Variants in CHFR observed in about 807,000 individuals in gnomAD.
The protein encoded by CHFR is E3 ubiquitin-protein ligase CHFR.
A neutral mutation model predicts 87.6 loss-of-function variants in CHFR; 57 were observed. The ratio of observed to expected loss-of-function variants is 0.65; its 90% CI spans 0.53 to 0.81. The LOEUF (loss-of-function observed/expected upper bound fraction) is 0.81. CHFR is among the 30% of genes least tolerant of loss of function. CHFR has a pLI of 0.00. For missense variants in CHFR, 797 were observed against 865.8 expected (o/e 0.92, Z 1.00); for synonymous variants, 381 against 359.2 (o/e 1.06, Z -0.69).
chr12:132,859,030 T>G (rs919122329), intron 8 of CHFR, 38 bp downstream of exon 8: 1 of 1,589,022 alleles, frequency 6.3e-7, no homozygotes, highest in Non-Finnish European at 8.6e-7. Flanking sequence ...GAACCTGCAG[T>G]GCCATGTTCC....
chr12:132,845,703 C>T (rs1478677872), intron 15 of CHFR, among the ~76,000 whole-genome samples: 1 of 152,084 alleles, frequency 6.6e-6, no homozygotes, highest in Non-Finnish European at 1.5e-5. Context: ...CTCCACAAAG[C>T]ATCGTGTGCC....
Position 132,838,454 on chromosome 12 carries a change from G to A in CHFR, c.*3100C>T, listed in dbSNP as rs1178042354. 1 of 152,408 alleles carries A rather than the reference G, an allele frequency of 6.6e-6. No homozygotes were observed. The highest frequency in any genetic ancestry group is 1.5e-5 in the Non-Finnish European group (1 of 68,202). 9.4% of individuals were successfully genotyped at this position (152,408 alleles called of 1,614,324 possible). Reference sequence around the variant, plus strand: ...ACCTGAGGCCCCCTTCCCTGGCTTGGAGCCTGGGCAGCACACGGAGGGGTG... The same window carrying A: ...ACCTGAGGCCCCCTTCCCTGGCTTGAAGCCTGGGCAGCACACGGAGGGGTG... On this transcript the variant is annotated 3_prime_UTR_variant, in exon 18 of 18. Coordinates refer to ENST00000450056, the MANE Select transcript of CHFR (RefSeq NM_001161346.2).
In CHFR at chr12:132,872,696, C is replaced by T. The variant is rs571847789; in HGVS notation, c.234-302G>A. Among the ~76,000 whole-genome samples, 5 of 152,272 alleles carry T rather than the reference C, an allele frequency of 3.3e-5. No homozygotes were observed. The South Asian group carries it at 1.0e-3, about 32-fold the overall frequency. On this transcript the variant is annotated intron_variant, in intron 3 of 17. Coordinates refer to ENST00000450056, the MANE Select transcript of CHFR (RefSeq NM_001161346.2). ...TGCCTCCTAGTGGACCCGGAGGCCT[C>T]GTCTACAGTGTGGTGCTTCCACCTC...
chr12:132,850,758 C>G (rs1208347066), intron 12 of CHFR, among the ~76,000 whole-genome samples: 1 of 152,098 alleles, frequency 6.6e-6, no homozygotes, highest in African/African-American at 2.4e-5. Flanking sequence ...CAGAGCAACA[C>G]CGGTGTGTGC....
intron 3 of CHFR, among the ~76,000 whole-genome samples, chr12:132,876,611 T>C (rs1198398143): frequency 6.6e-6 from 1 of 152,190 alleles, no homozygotes; most frequent in Admixed American, 6.5e-5. Flanking sequence ...TGAATAGGCT[T>C]GCAAGAACCA....
In CHFR at chr12:132,841,379, G is replaced by C; in HGVS notation, c.*175C>G. ...GCTGCGGCCCCCGGGGCTCTGGGGA[G>C]GGTCTCACTCAGAGGGTAAAGCTCC... On this transcript the variant is annotated 3_prime_UTR_variant, in exon 18 of 18. Transcript: ENST00000450056. 1.7e-6 allele frequency: 1 copy of C among 595,916 alleles called. No homozygotes were observed. The highest frequency in any genetic ancestry group is 3.0e-6 in the Non-Finnish European group (1 of 337,006). 36.9% of individuals were successfully genotyped at this position (595,916 alleles called of 1,614,324 possible).
chr12:132,877,690 T>C (rs1259883403), intron 2 of CHFR, 36 bp from the exon 3 acceptor site: 2 of 1,419,078 alleles, frequency 1.4e-6, no homozygotes, highest in Non-Finnish European at 9.9e-7. Context: ...CGGGATATGA[T>C]CGTGGTAACT....
intron 12 of CHFR, 26 bp from the exon 13 acceptor site, chr12:132,848,750 C>G (rs748026869): frequency 2.0e-6 from 3 of 1,523,278 alleles, no homozygotes; most frequent in African/African-American, 1.4e-5. Context: ...ACTCGTTACA[C>G]GCACTCAGCG....
chr12:132,846,952 A>T, intron 15 of CHFR, 91 bp downstream of exon 15: 1 of 869,098 alleles, frequency 1.2e-6, no homozygotes, highest in South Asian at 1.4e-5. Flanking sequence ...GGGTGGGTGA[A>T]GGTCGGAGTT....
At chr12:132,860,328 G>T (rs917168462) in intron 7 of CHFR, among the ~76,000 whole-genome samples, 3 of 152,110 alleles carry the variant, frequency 2.0e-5, no homozygotes, top group Non-Finnish European at 2.9e-5. Context: ...TACTGTATTT[G>T]TATTATTATG....
At chr12:132,844,564 G>A (rs368265220) in intron 15 of CHFR, among the ~76,000 whole-genome samples, 3 of 151,496 alleles carry the variant, frequency 2.0e-5, no homozygotes, top group African/African-American at 7.2e-5. Flanking sequence ...GATTACAGGC[G>A]TGAGCCACTG....
At chr12:132,868,246 C>T (rs1411573614) in intron 6 of CHFR, among the ~76,000 whole-genome samples, 1 of 152,230 alleles carries the variant, frequency 6.6e-6, no homozygotes, top group African/African-American at 2.4e-5. Context: ...AATCCTAGCA[C>T]TTTGGGAGGC....
Position 132,839,520 on chromosome 12 carries a change from C to T in CHFR, c.*2034G>A. On this transcript the variant is annotated 3_prime_UTR_variant, in exon 18 of 18. Coordinates refer to ENST00000450056, the MANE Select transcript of CHFR (RefSeq NM_001161346.2). ...TCGCCTCTGCACAAACTCAGGACCTCCCCTCTCGGCCTCACCCCCGCACTA... is the reference window on the plus strand; with the variant it reads ...TCGCCTCTGCACAAACTCAGGACCTTCCCTCTCGGCCTCACCCCCGCACTA... The T allele has an allele frequency of 6.2e-6, 1 of 162,312 alleles. No individual in the cohort carries two copies. The highest frequency in any genetic ancestry group is 6.8e-5 in the Admixed American group (1 of 14,764). The allele number at this position is 162,312 out of a possible 1,614,324, so 10.1% of individuals were successfully genotyped here. A position where few individuals can be genotyped will look rare whatever the true frequency, so the allele number is the denominator to read the frequency against.
chr12:132,856,539 A>T lies in CHFR; in HGVS notation c.1158T>A (p.Phe386Leu), dbSNP rs776390811. ...DMLQPKVRRS[F>L]SDEEGSSEDL... ...CCTCTGAACTCCCTTCTTCATCAGA[A>T]AAAGACCGCCTGACTTTGGGCTGCA... The change falls in exon 10 of 18, where the codon TTT (phenylalanine) becomes TTA (leucine). Residue 386 changes from phenylalanine to leucine, a missense_variant. Phe to Leu is a conservative substitution (Grantham distance 22, BLOSUM62 0). Transcript: ENST00000450056. The T allele has an allele frequency of 1.2e-6, 2 of 1,614,218 alleles. No individual in the cohort carries two copies. The highest frequency in any genetic ancestry group is 1.1e-5 in the South Asian group (1 of 91,086).
intron 2 of CHFR, among the ~76,000 whole-genome samples, chr12:132,879,898 A>G (rs921908806): frequency 6.6e-6 from 1 of 152,234 alleles, no homozygotes; most frequent in African/African-American, 2.4e-5. Flanking sequence ...CCACACAGAA[A>G]GACACCCTGA....
chr12:132,879,851 G>C (rs1004973352), intron 2 of CHFR, among the ~76,000 whole-genome samples: 1 of 152,198 alleles, frequency 6.6e-6, no homozygotes, highest in African/African-American at 2.4e-5. Flanking sequence ...GTTTGGTCAG[G>C]AGACAGTGGC....
chr12:132,856,063 C>A (rs757723701), intron 10 of CHFR, among the ~76,000 whole-genome samples: 3 of 152,072 alleles, frequency 2.0e-5, no homozygotes, highest in Admixed American at 1.3e-4. Flanking sequence ...ACTTTATAGT[C>A]GCTAGATCAA....
At chr12:132,857,240 G>A (rs1593472735) in intron 9 of CHFR, among the ~76,000 whole-genome samples, 165 bp downstream of exon 9, 1 of 117,746 alleles carries the variant, frequency 8.5e-6, no homozygotes, top group South Asian at 2.9e-4. Context: ...ATGCCCTCAC[G>A]TGCCCGGGTG....
chr12:132,853,184 G>T (rs1194473164), intron 11 of CHFR, among the ~76,000 whole-genome samples: 1 of 152,204 alleles, frequency 6.6e-6, no homozygotes, highest in African/African-American at 2.4e-5. Context: ...TAAGGTCAGG[G>T]TTGTTAATTC....
Sources: gnomAD v4.1 joint callset for allele counts (sites outside exome capture counted in the v4.1 genomes callset) on GRCh38, gnomAD v4.1.1 for gene constraint, MANE v1.5 for transcripts, NCBI Gene and HGNC (gene_info 2026-07-23, HGNC 2026-07-21) for gene names.